Variants in COLEC10 observed in about 807,000 individuals in gnomAD.
COLEC10 encodes collectin subfamily member 10.
COLEC10 carries 22 observed loss-of-function variants against 28.4 expected under a neutral mutation model. The ratio of observed to expected loss-of-function variants is 0.78; its 90% CI spans 0.55 to 1.11. COLEC10 has a LOEUF of 1.11. COLEC10 is among the 50% of genes least tolerant of loss of function. The pLI, the probability that COLEC10 is intolerant of heterozygous loss-of-function variation, is 0.00. For missense variants in COLEC10, 361 were observed against 344.1 expected, an observed-to-expected ratio of 1.05 and a Z score of -0.39; for synonymous variants, 125 against 116.1, an observed-to-expected ratio of 1.08 and a Z score of -0.49.
the COLEC10 span, among the ~76,000 whole-genome samples, chr8:118,978,569 C>T: frequency 2.2e-5 from 3 of 139,246 alleles, no homozygotes; most frequent in South Asian, 2.3e-4. Context: ...TTTTTGTTCT[C>T]TATGCAGTTT....
At chr8:118,992,749 C>T (rs1313489144), upstream of COLEC10, among the ~76,000 whole-genome samples, 1 of 152,108 alleles carries the variant, frequency 6.6e-6, no homozygotes, top group Non-Finnish European at 1.5e-5. Context: ...GTTATAATCA[C>T]ATAATATTTA....
At chr8:118,956,489 G>T in the COLEC10 span, among the ~76,000 whole-genome samples, 4 of 152,214 alleles carry the variant, frequency 2.6e-5, no homozygotes, top group Middle Eastern at 3.4e-3. Flanking sequence ...CCATAACAGG[G>T]ATCTGTTGTT....
chr8:119,076,721 G>C (rs1223615686), intron 1 of COLEC10, among the ~76,000 whole-genome samples: 1 of 152,224 alleles, frequency 6.6e-6, no homozygotes, highest in East Asian at 1.9e-4. Flanking sequence ...GTGTGGTTCT[G>C]CCTGGCCTGA....
intron 1 of COLEC10, among the ~76,000 whole-genome samples, chr8:119,069,629 A>AAAAATTTATATATATATATATAT (rs1554627284): frequency 2.3e-5 from 1 of 42,876 alleles, no homozygotes; most frequent in African/African-American, 7.5e-5. Context: ...AAAAAAAAAA[A>AAAAATTTATATATATATATATAT]ATATATATAT....
chr8:118,966,915 T>C, the COLEC10 span, among the ~76,000 whole-genome samples: 3 of 152,112 alleles, frequency 2.0e-5, no homozygotes, highest in African/African-American at 7.2e-5. Flanking sequence ...AGGTACCATA[T>C]TTCTATTGTA....
chr8:119,044,942 A>G (rs1020371018), intron 2 of COLEC10, among the ~76,000 whole-genome samples: 1 of 152,002 alleles, frequency 6.6e-6, no homozygotes, highest in African/African-American at 2.4e-5. Flanking sequence ...TCTGGGCTCT[A>G]TCTTTTCTGT....
chr8:118,994,736 G>C (rs1277231313), upstream of COLEC10, among the ~76,000 whole-genome samples: 1 of 152,140 alleles, frequency 6.6e-6, no homozygotes, highest in Non-Finnish European at 1.5e-5. Context: ...ATCTCTAGTA[G>C]AGCTGAACTC....
Position 119,086,389 on chromosome 8 carries a change from T to TTG in COLEC10, c.149-3291_149-3290insTG, listed in dbSNP as rs1554628861. On this transcript the variant is annotated intron_variant, in intron 1 of 5. Coordinates refer to ENST00000332843, the MANE Select transcript of COLEC10 (RefSeq NM_006438.5). ...ACTGTGAGCCAGGTCGGCGGGGAGGTGGGGGGGGTCCCTATCCAAAGCTTG... is the reference window on the plus strand; with the variant it reads ...ACTGTGAGCCAGGTCGGCGGGGAGGTTGGGGGGGGGTCCCTATCCAAAGCTTG... Among the ~76,000 whole-genome samples the TTG allele has an allele frequency of 1.8e-3, 91 of 49,308 alleles. 2 individuals are homozygous for TTG. Among genetic ancestry groups the TTG allele is most frequent in the South Asian group, 9.7e-3 (13 of 1,340 alleles). The allele number at this position is 49,308 out of a possible 152,430, so 32.3% of individuals were successfully genotyped here. A position where few individuals can be genotyped will look rare whatever the true frequency, so the allele number is the denominator to read the frequency against.
At chr8:119,013,777 A>G (rs1813942252) in intron 2 of COLEC10, among the ~76,000 whole-genome samples, 1 of 150,658 alleles carries the variant, frequency 6.6e-6, no homozygotes, top group Non-Finnish European at 1.5e-5. Flanking sequence ...TCTGGAATTC[A>G]TGTAGCTACT....
At chr8:119,067,191 T>G, upstream of COLEC10, 1 of 1,346,020 alleles carries the variant, frequency 7.4e-7, no homozygotes, top group Non-Finnish European at 1.0e-6. Flanking sequence ...TTCCAAATAC[T>G]TCCCCTTCTT....
chr8:118,971,564 G>A, the COLEC10 span, among the ~76,000 whole-genome samples: 1 of 151,984 alleles, frequency 6.6e-6, no homozygotes, highest in Non-Finnish European at 1.5e-5. Context: ...GGTAATGGCT[G>A]TTTATATCCG....
the COLEC10 span, among the ~76,000 whole-genome samples, chr8:118,984,890 T>A: frequency 6.6e-6 from 1 of 152,096 alleles, no homozygotes; most frequent in Non-Finnish European, 1.5e-5. Flanking sequence ...ACGTGGATGG[T>A]GGCAGGATAA....
upstream of COLEC10, among the ~76,000 whole-genome samples, chr8:118,993,841 T>A (rs9969672): frequency 0.61 from 92,346 of 152,018 alleles, 29,328 homozygotes; most frequent in African/African-American, 0.79. Context: ...AATTTTGGGG[T>A]ACTTAATTCA....
At chr8:118,983,549 C>G in the COLEC10 span, among the ~76,000 whole-genome samples, 1 of 152,102 alleles carries the variant, frequency 6.6e-6, no homozygotes, top group African/African-American at 2.4e-5. Flanking sequence ...AGTCCTAACC[C>G]CTGGAACTTG....
At chr8:119,066,667 G>A (rs1201113376), upstream of COLEC10, among the ~76,000 whole-genome samples, 1 of 152,144 alleles carries the variant, frequency 6.6e-6, no homozygotes, top group South Asian at 2.1e-4. Flanking sequence ...TAGGCCAAAG[G>A]TAATAAACAT....
intron 1 of COLEC10, among the ~76,000 whole-genome samples, chr8:119,076,136 C>T (rs1815228510): frequency 6.9e-6 from 1 of 144,246 alleles, no homozygotes. Flanking sequence ...CAGTCTTGAT[C>T]TCCTGGCCTC....
the COLEC10 span, chr8:118,982,494 C>T: frequency 3.6e-4 from 56 of 155,278 alleles, no homozygotes; most frequent in Middle Eastern, 2.1e-3. Flanking sequence ...CAAACAGGAA[C>T]GGTGCACCTA....
At chr8:119,050,941 A>G (rs894959871) in intron 2 of COLEC10, among the ~76,000 whole-genome samples, 1 of 152,198 alleles carries the variant, frequency 6.6e-6, no homozygotes, top group African/African-American at 2.4e-5. Context: ...ACCACCAACG[A>G]GAAGGCTAAA....
At chr8:119,021,842 T>C (rs1814103532) in intron 2 of COLEC10, among the ~76,000 whole-genome samples, 1 of 152,168 alleles carries the variant, frequency 6.6e-6, no homozygotes, top group South Asian at 2.1e-4. Context: ...GTGAAGCTCC[T>C]TGTGACAATA....
Sources: gnomAD v4.1 joint callset for allele counts (sites outside exome capture counted in the v4.1 genomes callset) on GRCh38, gnomAD v4.1.1 for gene constraint, MANE v1.5 for transcripts, NCBI Gene and HGNC (gene_info 2026-07-23, HGNC 2026-07-21) for gene names.